The following TENM3 variants were observed in gnomAD, a reference collection of about 807,000 sequenced individuals.
TENM3 encodes the protein teneurin-3.
TENM3 carries 63 observed loss-of-function variants against 255.1 expected under a neutral mutation model. That is an observed-to-expected ratio of 0.25 (90% CI 0.20 to 0.30). The LOEUF (loss-of-function observed/expected upper bound fraction) is 0.30. Among genes scored for constraint, TENM3 ranks in the 10% least tolerant of loss-of-function variants. The pLI is 1.00. For missense variants in TENM3, 2,929 were observed against 3,461.1 expected, an observed-to-expected ratio of 0.85 and a Z score of 3.86; for synonymous variants, 1,306 against 1,322.3, an observed-to-expected ratio of 0.99 and a Z score of 0.27.
At chr4:182,576,877 T>C (rs367771069) in intron 3 of TENM3, among the ~76,000 whole-genome samples, 26 of 152,190 alleles carry the variant, frequency 1.7e-4, no homozygotes, top group East Asian at 1.2e-3. Context: ...ACAGCTCTCT[T>C]TGGCTAATAG....
At position 182,245,306 on chromosome 4, in the gene TENM3, A is replaced by G. The variant is rs527537957; in HGVS notation, c.-76+1830A>G. ...AACTTTGCTCTGTCTCATGTGATGT[A>G]GCATCCTCCGGCATCATTTAGAAAA... On this transcript the variant is annotated intron_variant, in intron 1 of 27. Coordinates refer to ENST00000511685, the MANE Select transcript of TENM3 (RefSeq NM_001080477.4). Among the ~76,000 whole-genome samples, 14 of 152,312 alleles carry G rather than the reference A, an allele frequency of 9.2e-5. No homozygotes were observed. In the South Asian group the frequency reaches 2.7e-3, roughly 29 times the overall value.
the TENM3 span, among the ~76,000 whole-genome samples, chr4:181,988,568 T>C: frequency 6.6e-6 from 1 of 152,162 alleles, no homozygotes; most frequent in African/African-American, 2.4e-5. Flanking sequence ...CTAATATTAG[T>C]TGAATGCAGA....
At chr4:182,289,360 T>C (rs1760960012) in intron 1 of TENM3, among the ~76,000 whole-genome samples, 2 of 152,254 alleles carry the variant, frequency 1.3e-5, no homozygotes, top group African/African-American at 4.8e-5. Flanking sequence ...CCCCGCTCTC[T>C]GGATATGTCA....
At chr4:182,121,594 C>T in the TENM3 span, among the ~76,000 whole-genome samples, 1 of 152,168 alleles carries the variant, frequency 6.6e-6, no homozygotes, top group Non-Finnish European at 1.5e-5. Flanking sequence ...GTTATGTTTA[C>T]ACTATACTAT....
intron 24 of TENM3, among the ~76,000 whole-genome samples, chr4:182,775,804 A>G (rs1391524905): frequency 6.6e-6 from 1 of 152,222 alleles, no homozygotes; most frequent in Admixed American, 6.5e-5. Flanking sequence ...TATGGGTTCC[A>G]GATGAGGCTC....
At chr4:181,888,319 C>G in the TENM3 span, among the ~76,000 whole-genome samples, 3 of 151,468 alleles carry the variant, frequency 2.0e-5, no homozygotes, top group Admixed American at 1.3e-4. Flanking sequence ...GCATGAGCCA[C>G]TGTGCCTGGC....
chr4:181,540,447 G>A, the TENM3 span, among the ~76,000 whole-genome samples: 1 of 152,160 alleles, frequency 6.6e-6, no homozygotes, highest in Non-Finnish European at 1.5e-5. Context: ...GCTGTGAATA[G>A]TGACTTTCTT....
In TENM3 at chr4:182,789,196, C is replaced by T. The variant is rs780877206; in HGVS notation, c.5408C>T (p.Thr1803Met). ...TTTCTACTGAGGATCGCCTACGACA[C>T]GTCTGGGCACCCGACTCTCTGGCTG... ...RKFLLRIAYD[T>M]SGHPTLWLPS... Residue 1803 changes from threonine (T) to methionine (M), a missense_variant, in exon 25 of 28, where the codon ACG becomes ATG. This residue lies in a region of TENM3 where 303 missense variants were observed against 425.2 expected (regional missense o/e 0.71). Coordinates refer to ENST00000511685, the MANE Select transcript of TENM3 (RefSeq NM_001080477.4). The surrounding 1 kb of genome is among the most constrained non-coding windows in gnomAD (Gnocchi z 4.4). 1.1e-5 allele frequency: 18 copies of T among 1,613,042 alleles called. No homozygotes were observed. Among genetic ancestry groups the T allele is most frequent in the Non-Finnish European group, 1.4e-5 (17 of 1,179,570 alleles).
Position 182,335,623 on chromosome 4 carries a change from G to C in TENM3, c.233-11028G>C, listed in dbSNP as rs993880511. Among the ~76,000 whole-genome samples the C allele has an allele frequency of 2.6e-5, 4 of 151,696 alleles. No individual in the cohort carries two copies. In the East Asian group the frequency reaches 7.7e-4, roughly 29 times the overall value. On this transcript the variant is annotated intron_variant, in intron 2 of 27. Transcript: ENST00000511685. ...CGATCCCAGGGACTCAATAGTAGGGGAGAAATTTTGCAATAGAAAATTAGA... is the reference window on the plus strand; with the variant it reads ...CGATCCCAGGGACTCAATAGTAGGGCAGAAATTTTGCAATAGAAAATTAGA...
chr4:182,734,553 A>G (rs990857716), intron 16 of TENM3, among the ~76,000 whole-genome samples: 1 of 152,224 alleles, frequency 6.6e-6, no homozygotes, highest in Non-Finnish European at 1.5e-5. Context: ...AGGGCCTCGC[A>G]ATCACAATGG....
intron 2 of TENM3, among the ~76,000 whole-genome samples, chr4:182,333,895 G>A (rs907584201): frequency 3.9e-5 from 6 of 152,182 alleles, no homozygotes; most frequent in Non-Finnish European, 2.9e-5. Context: ...TATGGACAGT[G>A]TAGATCATAT....
chr4:181,660,579 G>A, the TENM3 span, among the ~76,000 whole-genome samples: 1 of 152,116 alleles, frequency 6.6e-6, no homozygotes, highest in Non-Finnish European at 1.5e-5. Context: ...ATATTATCTG[G>A]TAATTTAGTC....
chr4:181,794,763 G>A, the TENM3 span, among the ~76,000 whole-genome samples: 2 of 150,566 alleles, frequency 1.3e-5, no homozygotes, highest in South Asian at 2.1e-4. Flanking sequence ...TGTCTAGGTC[G>A]GGTTGGATCC....
Position 182,594,062 on chromosome 4 carries a change from T to A in TENM3, c.512-6862T>A, listed in dbSNP as rs1746939244. Reference sequence around the variant, plus strand: ...GGCATGATCCTGTGGCCATACTAGCTAGGAAAAGGTGACTAGGCCGAACTT... The same window carrying A: ...GGCATGATCCTGTGGCCATACTAGCAAGGAAAAGGTGACTAGGCCGAACTT... On this transcript the variant is annotated intron_variant, in intron 3 of 27. Transcript: ENST00000511685. Among the ~76,000 whole-genome samples the A allele has an allele frequency of 2.0e-5, 3 of 152,204 alleles. No homozygotes were observed. The South Asian group carries it at 6.2e-4, about 31-fold the overall frequency.
At chr4:182,149,978 CA>C (rs1579510410) in intron 1 of TENM3, among the ~76,000 whole-genome samples, 1 of 151,974 alleles carries the variant, frequency 6.6e-6, no homozygotes, top group East Asian at 1.9e-4. Flanking sequence ...AAAATTGTAT[CA>C]TTTATATAAT....
intron 3 of TENM3, among the ~76,000 whole-genome samples, chr4:182,560,179 A>G (rs376825781): frequency 5.3e-5 from 8 of 152,014 alleles, no homozygotes; most frequent in Middle Eastern, 3.2e-3. Flanking sequence ...AGTACACAGG[A>G]ATACGTTACT....
intron 3 of TENM3, among the ~76,000 whole-genome samples, chr4:182,579,993 G>C (rs550761951): frequency 6.6e-6 from 1 of 152,134 alleles, no homozygotes; most frequent in Non-Finnish European, 1.5e-5. Context: ...AAATTTGCAG[G>C]ATGTTGAGGT....
At chr4:181,799,068 G>A in the TENM3 span, among the ~76,000 whole-genome samples, 2 of 152,122 alleles carry the variant, frequency 1.3e-5, no homozygotes, top group South Asian at 2.1e-4. Context: ...ACATTGGAAG[G>A]CTCCCTTTTC....
the TENM3 span, among the ~76,000 whole-genome samples, chr4:182,062,663 T>G: frequency 1.3e-5 from 2 of 152,200 alleles, no homozygotes; most frequent in Admixed American, 1.3e-4. Flanking sequence ...AACAGTAAAT[T>G]GCAGCCTGTC....
Sources: allele counts gnomAD v4.1 joint callset (sites outside exome capture counted in the v4.1 genomes callset), GRCh38; gene constraint gnomAD v4.1.1; regional missense constraint gnomAD v4.1.1; non-coding constraint Gnocchi (gnomAD v3.1); transcripts MANE v1.5; gene names NCBI Gene and HGNC (gene_info 2026-07-23, HGNC 2026-07-21).